The following PRKCB variants were observed in gnomAD, a reference collection of about 807,000 sequenced individuals.
The protein encoded by PRKCB is protein kinase C beta.
Under a neutral mutation model 81.5 loss-of-function variants are expected in PRKCB, and 13 were observed. The ratio of observed to expected loss-of-function variants is 0.16; its 90% CI spans 0.10 to 0.25. The LOEUF (loss-of-function observed/expected upper bound fraction) is 0.25. Among genes scored for constraint, PRKCB ranks in the 10% least tolerant of loss-of-function variants. The pLI, the probability that PRKCB is intolerant of heterozygous loss-of-function variation, is 1.00. For missense variants in PRKCB, 509 were observed against 875.7 expected (o/e 0.58, Z 5.29); for synonymous variants, 335 against 321.4 (o/e 1.04, Z -0.45).
chr16:23,875,034 G>A (rs1401507190), intron 2 of PRKCB, among the ~76,000 whole-genome samples: 4 of 103,342 alleles, frequency 3.9e-5, no homozygotes, highest in Non-Finnish European at 7.1e-5. Flanking sequence ...CTTTCTCTAT[G>A]TCCTTTTTTT....
At chr16:24,096,663 AAAAATATATATATAT>A (rs1158504668) in intron 7 of PRKCB, among the ~76,000 whole-genome samples, 764 of 49,654 alleles carry the variant, frequency 0.015, 47 homozygotes, top group East Asian at 0.13. Flanking sequence ...AAAAAAAAAA[AAAAATATATATATAT>A]ATATATATAT....
At chr16:24,053,144 C>T (rs1052292028) in intron 5 of PRKCB, among the ~76,000 whole-genome samples, 1 of 152,200 alleles carries the variant, frequency 6.6e-6, no homozygotes, top group Admixed American at 6.5e-5. Context: ...CCCCTCACAT[C>T]CAGCACGGGG....
intron 2 of PRKCB, among the ~76,000 whole-genome samples, chr16:23,970,021 T>C (rs533531399): frequency 6.6e-6 from 1 of 152,330 alleles, no homozygotes; most frequent in South Asian, 2.1e-4. Flanking sequence ...CATGTTCCTT[T>C]CTACATCATG....
Position 24,216,873 on chromosome 16 carries a change from G to T in PRKCB, c.*2057G>T. The T allele has an allele frequency of 3.0e-6, 3 of 985,464 alleles. No individual in the cohort carries two copies. The highest frequency in any genetic ancestry group is 3.6e-6 in the Non-Finnish European group (3 of 829,950). The allele number at this position is 985,464 out of a possible 1,614,324, so 61.0% of individuals were successfully genotyped here. ...AGTCAGCTGGGATAAAAACCTGGGTGTCCTGTCCAGAAAGTGCAGGGTGCT... is the reference window on the plus strand; with the variant it reads ...AGTCAGCTGGGATAAAAACCTGGGTTTCCTGTCCAGAAAGTGCAGGGTGCT... On this transcript the variant is annotated 3_prime_UTR_variant, in exon 17 of 17. Coordinates refer to ENST00000643927, the MANE Select transcript of PRKCB (RefSeq NM_002738.7).
At chr16:24,085,375 T>C (rs964895692) in intron 5 of PRKCB, among the ~76,000 whole-genome samples, 4 of 152,246 alleles carry the variant, frequency 2.6e-5, no homozygotes, top group African/African-American at 9.6e-5. Flanking sequence ...GGATACTCTT[T>C]TAGCCCTGGA....
chr16:24,079,774 A>G (rs977833162), intron 5 of PRKCB, among the ~76,000 whole-genome samples: 1 of 152,228 alleles, frequency 6.6e-6, no homozygotes, highest in Non-Finnish European at 1.5e-5. Context: ...ACAATGTTAA[A>G]TTATGATAGT....
At chr16:24,094,126 C>T in intron 6 of PRKCB, 37 bp from the exon 7 acceptor site, 2 of 1,598,750 alleles carry the variant, frequency 1.3e-6, no homozygotes, top group Non-Finnish European at 1.7e-6. Flanking sequence ...GAAATTACTA[C>T]AACCTCCACT....
chr16:24,079,947 G>T (rs1966228283), intron 5 of PRKCB, among the ~76,000 whole-genome samples: 1 of 152,084 alleles, frequency 6.6e-6, no homozygotes, highest in African/African-American at 2.4e-5. Flanking sequence ...ATTGAATTTT[G>T]TCAGTCGCCT....
At chr16:24,085,874 C>T (rs1242870154) in intron 5 of PRKCB, among the ~76,000 whole-genome samples, 2 of 152,194 alleles carry the variant, frequency 1.3e-5, no homozygotes, top group Non-Finnish European at 2.9e-5. Context: ...GACACCATGA[C>T]AGTCCCAGCT....
chr16:24,034,454 G>T (rs938961358), intron 4 of PRKCB, among the ~76,000 whole-genome samples: 4 of 152,200 alleles, frequency 2.6e-5, no homozygotes, highest in African/African-American at 9.7e-5. Context: ...GGGCATTATT[G>T]CTCAAGACCT....
intron 2 of PRKCB, among the ~76,000 whole-genome samples, chr16:23,891,318 GC>G (rs1249603784): frequency 6.6e-6 from 1 of 152,032 alleles, no homozygotes; most frequent in African/African-American, 2.4e-5. Flanking sequence ...CTCCCAAAGT[GC>G]TGGAAATACA....
rs1195937545 is a variant in PRKCB at position 24,020,976 on chromosome 16, T to TTTCTTTCTTTCCTTC, written c.289-11158_289-11157insCTTTCTTTCCTTCTT. Among the ~76,000 whole-genome samples the TTTCTTTCTTTCCTTC allele has an allele frequency of 9.2e-4, 89 of 96,740 alleles. 2 individuals carry two copies. Among genetic ancestry groups the TTTCTTTCTTTCCTTC allele is most frequent in the African/African-American group, 3.4e-3 (82 of 24,466 alleles). 63.5% of individuals were successfully genotyped at this position (96,740 alleles called of 152,430 possible). On this transcript the variant is annotated intron_variant, in intron 3 of 16. Transcript: ENST00000643927. Reference sequence around the variant, plus strand: ...CATTCAGACTGAGAGAGACTTTTCTTTTTCTTTCTTTCTTTCTTTCTTTCT... The same window carrying TTTCTTTCTTTCCTTC: ...CATTCAGACTGAGAGAGACTTTTCTTTTCTTTCTTTCCTTCTTTCTTTCTTTCTTTCTTTCTTTCT...
intron 2 of PRKCB, among the ~76,000 whole-genome samples, chr16:23,853,481 G>A (rs1248013054): frequency 2.0e-5 from 3 of 152,186 alleles, no homozygotes; most frequent in South Asian, 2.1e-4. Flanking sequence ...GGCAACCAAC[G>A]GAAGGGGGTC....
chr16:24,203,220 C>A (rs1967986579), intron 16 of PRKCB: 1 of 151,516 alleles, frequency 6.6e-6, no homozygotes, highest in Admixed American at 6.6e-5. Context: ...AAGCAATCCT[C>A]CTGCTCGAGT....
intron 5 of PRKCB, among the ~76,000 whole-genome samples, chr16:24,083,812 G>T (rs968676216): frequency 6.6e-6 from 1 of 152,044 alleles, no homozygotes; most frequent in East Asian, 1.9e-4. Flanking sequence ...TCACAAAACT[G>T]TGCACCAAAA....
intron 2 of PRKCB, among the ~76,000 whole-genome samples, chr16:23,890,071 T>C (rs1205347753): frequency 6.6e-6 from 1 of 152,236 alleles, no homozygotes; most frequent in Non-Finnish European, 1.5e-5. Flanking sequence ...ACTCAGCACA[T>C]ATTTTTAAAA....
chr16:24,218,515 C>T lies in PRKCB; in HGVS notation c.*3699C>T, dbSNP rs1968268673. On this transcript the variant is annotated 3_prime_UTR_variant, in exon 17 of 17. Transcript: ENST00000643927. The stretch of plus-strand genomic sequence containing the variant: ...TCCTGAGTTCAGTGTGCCCACCTCA[C>T]TCCCACACCCTCACATAGACTTGGC... 1.0e-6 allele frequency: 1 copy of T among 985,418 alleles called. No individual in the cohort carries two copies. Among genetic ancestry groups the T allele is most frequent in the Non-Finnish European group, 1.2e-6 (1 of 829,936 alleles). The allele number at this position is 985,418 out of a possible 1,614,324, so 61.0% of individuals were successfully genotyped here.
rs369929322 is a variant in PRKCB, at chr16:24,169,689, T to A, written c.1240-2581T>A. 3.5e-4 allele frequency among the ~76,000 whole-genome samples: 53 copies of A among 152,306 alleles called. No homozygotes were observed. The East Asian group carries it at 0.01, about 29-fold the overall frequency. ...ACTGGAACTCCTTTCTCCCATCTCA[T>A]CCAGCTGGTACTCCCAATCCTCCAT... On this transcript the variant is annotated intron_variant, in intron 10 of 16. Transcript: ENST00000643927.
chr16:24,062,527 A>G (rs1271759830), intron 5 of PRKCB, among the ~76,000 whole-genome samples: 1 of 152,246 alleles, frequency 6.6e-6, no homozygotes, highest in African/African-American at 2.4e-5. Flanking sequence ...TCTCAAGTAT[A>G]AAGGGGGGTT....
Sources: allele counts gnomAD v4.1 joint callset (sites outside exome capture counted in the v4.1 genomes callset), GRCh38; gene constraint gnomAD v4.1.1; transcripts MANE v1.5; gene names NCBI Gene and HGNC (gene_info 2026-07-23, HGNC 2026-07-21).